Variants in KCNIP4 observed in about 807,000 individuals in gnomAD.
KCNIP4 encodes potassium voltage-gated channel interacting protein 4.
Under a neutral mutation model 34.0 loss-of-function variants are expected in KCNIP4, and 12 were observed. That is an observed-to-expected ratio of 0.35 (90% CI 0.23 to 0.57). The LOEUF is 0.57. Ranked by LOEUF, KCNIP4 falls within the 20% of genes least tolerant of loss-of-function variation. The pLI is 0.83. For missense variants in KCNIP4, 238 were observed against 311.7 expected, an observed-to-expected ratio of 0.76 and a Z score of 1.78; for synonymous variants, 124 against 102.2, an observed-to-expected ratio of 1.21 and a Z score of -1.29.
rs1043911663 is a variant in KCNIP4, at chr4:21,911,646, A to T, written c.61+36925T>A. ...CACACACACACACACACACACACAC[A>T]CACACACACAGAGTCTGGTATTGGT... is the stretch of plus-strand genomic sequence containing the variant. On this transcript the variant is annotated intron_variant, in intron 1 of 8. Transcript: ENST00000382152. 2.2e-3 allele frequency among the ~76,000 whole-genome samples: 295 copies of T among 131,384 alleles called. 2 individuals carry two copies. The highest frequency in any genetic ancestry group is 3.7e-3 in the Non-Finnish European group (215 of 58,858). The allele number at this position is 131,384 out of a possible 152,430, so 86.2% of individuals were successfully genotyped here.
chr4:21,520,097 G>A (rs771080388), intron 1 of KCNIP4, among the ~76,000 whole-genome samples: 16 of 151,772 alleles, frequency 1.1e-4, no homozygotes, highest in Non-Finnish European at 1.9e-4. Context: ...CACGTTTTTC[G>A]GCCTGCTTTA....
chr4:21,455,830 T>TTCC (rs1560422903), intron 1 of KCNIP4, among the ~76,000 whole-genome samples: 49 of 112,746 alleles, frequency 4.3e-4, no homozygotes, highest in African/African-American at 1.1e-3. Context: ...TATATATATA[T>TTCC]ATATATATAT....
intron 1 of KCNIP4, among the ~76,000 whole-genome samples, chr4:21,734,932 C>T (rs1046316384): frequency 4.0e-5 from 6 of 151,884 alleles, no homozygotes; most frequent in African/African-American, 1.5e-4. Context: ...AATAGAATGA[C>T]TTCGCTCCTA....
rs1728261087 is a variant in KCNIP4 at position 21,448,794 on chromosome 4, G to T, written c.61+499777C>A. ...TGTCTCAGCATAAGTCAGACATAGA[G>T]AGGCAGTTATCCAGGAAAGATCTGG... On this transcript the variant is annotated intron_variant, in intron 1 of 8. Transcript: ENST00000382152. 2.0e-5 allele frequency among the ~76,000 whole-genome samples: 3 copies of T among 152,140 alleles called. No individual in the cohort carries two copies. The South Asian group carries it at 6.2e-4, about 31-fold the overall frequency.
At chr4:21,721,792 C>T (rs1357295919) in intron 1 of KCNIP4, among the ~76,000 whole-genome samples, 2 of 152,148 alleles carry the variant, frequency 1.3e-5, no homozygotes, top group Non-Finnish European at 2.9e-5. Flanking sequence ...TCAGCACTTG[C>T]CATTCACATG....
At chr4:20,745,154 C>G (rs1752144806) in intron 5 of KCNIP4, among the ~76,000 whole-genome samples, 1 of 152,180 alleles carries the variant, frequency 6.6e-6, no homozygotes, top group African/African-American at 2.4e-5. Context: ...GGGTCCCACC[C>G]TTAGGTTGTA....
chr4:21,215,133 C>T lies in KCNIP4; in HGVS notation c.62-332424G>A, dbSNP rs148284282. ...TGGAGTGATAACAGGATATATTATC[C>T]TCACTCTGACATGTTTTTGGAGGTC... On this transcript the variant is annotated intron_variant, in intron 1 of 8. Coordinates refer to ENST00000382152, the MANE Select transcript of KCNIP4 (RefSeq NM_025221.6). 5.8e-4 allele frequency among the ~76,000 whole-genome samples: 88 copies of T among 152,276 alleles called. No homozygotes were observed. In the East Asian group the frequency reaches 0.015, roughly 26 times the overall value.
intron 1 of KCNIP4, among the ~76,000 whole-genome samples, chr4:21,792,942 T>C (rs1437203718): frequency 6.6e-6 from 1 of 152,162 alleles, no homozygotes; most frequent in African/African-American, 2.4e-5. Context: ...TCAGAGTATG[T>C]GAGAGAAATT....
rs148070373 is a variant in KCNIP4 at position 20,740,383 on chromosome 4, G to A, written c.430-5648C>T. ...CCATCAGACTAACAGCGGAACTCTC[G>A]GCAGAAACTTTACAAGCCAGAAGAG... is the stretch of plus-strand genomic sequence containing the variant. On this transcript the variant is annotated intron_variant, in intron 5 of 8. Coordinates refer to ENST00000382152, the MANE Select transcript of KCNIP4 (RefSeq NM_025221.6). Among the ~76,000 whole-genome samples the A allele has an allele frequency of 1.6e-3, 237 of 152,250 alleles. 5 individuals are homozygous for A. In the East Asian group the frequency reaches 0.027, roughly 17 times the overall value.
At chr4:21,841,272 G>T (rs1321463178) in intron 1 of KCNIP4, among the ~76,000 whole-genome samples, 2 of 151,986 alleles carry the variant, frequency 1.3e-5, no homozygotes, top group Admixed American at 6.6e-5. Flanking sequence ...ATTTGAAAAG[G>T]TCCATACAGA....
At chr4:20,813,816 T>A (rs1459400588) in intron 3 of KCNIP4, among the ~76,000 whole-genome samples, 1 of 152,246 alleles carries the variant, frequency 6.6e-6, no homozygotes, top group East Asian at 1.9e-4. Flanking sequence ...ATCCTGTGTA[T>A]CTTACCAAGA....
At chr4:21,481,042 A>T (rs1033503680) in intron 1 of KCNIP4, among the ~76,000 whole-genome samples, 1 of 152,212 alleles carries the variant, frequency 6.6e-6, no homozygotes, top group Non-Finnish European at 1.5e-5. Context: ...GCACTGATAT[A>T]GGTGTAGATA....
chr4:21,113,495 A>T (rs1379804399), intron 1 of KCNIP4, among the ~76,000 whole-genome samples: 2 of 148,186 alleles, frequency 1.3e-5, no homozygotes, highest in Non-Finnish European at 3.0e-5. Context: ...AGCTATACTC[A>T]GTGGGAAAAA....
In KCNIP4 at chr4:21,694,926, A is replaced by C. The variant is rs567139350; in HGVS notation, c.61+253645T>G. ...TAACACGATTGACCAAAAAAAAAAA[A>C]AAAATAAAAATAAATAAATAAATAA... is the stretch of plus-strand genomic sequence containing the variant. On this transcript the variant is annotated intron_variant, in intron 1 of 8. Transcript: ENST00000382152. Among the ~76,000 whole-genome samples the C allele has an allele frequency of 5.1e-5, 5 of 98,020 alleles. 1 individual carries two copies. The highest frequency in any genetic ancestry group is 4.7e-5 in the Non-Finnish European group (2 of 42,860). 64.3% of individuals were successfully genotyped at this position (98,020 alleles called of 152,430 possible).
At chr4:21,242,110 G>A (rs974080156) in intron 1 of KCNIP4, among the ~76,000 whole-genome samples, 1 of 143,896 alleles carries the variant, frequency 6.9e-6, no homozygotes, top group African/African-American at 2.7e-5. Flanking sequence ...CTTGCAGTGA[G>A]CCGAGATTGC....
chr4:21,041,147 T>C (rs1253527084), intron 1 of KCNIP4, among the ~76,000 whole-genome samples: 1 of 151,896 alleles, frequency 6.6e-6, no homozygotes, highest in Non-Finnish European at 1.5e-5. Flanking sequence ...ATGACACATA[T>C]AATAGTGAGG....
chr4:21,121,435 A>G (rs1750147459), intron 1 of KCNIP4, among the ~76,000 whole-genome samples: 1 of 152,208 alleles, frequency 6.6e-6, no homozygotes, highest in East Asian at 1.9e-4. Flanking sequence ...TTTGATGGTG[A>G]GTAATCACAT....
chr4:20,779,244 T>C (rs370633075), intron 3 of KCNIP4, among the ~76,000 whole-genome samples: 3 of 152,148 alleles, frequency 2.0e-5, no homozygotes, highest in African/African-American at 7.2e-5. Context: ...ATGAGACAGT[T>C]CTGTAGGTAC....
chr4:20,908,992 A>G (rs1335870684), intron 1 of KCNIP4, among the ~76,000 whole-genome samples: 3 of 152,246 alleles, frequency 2.0e-5, no homozygotes, highest in Non-Finnish European at 4.4e-5. Flanking sequence ...AAATGGAAAC[A>G]ACCTCATGTC....
Sources: allele counts gnomAD v4.1 joint callset (sites outside exome capture counted in the v4.1 genomes callset), GRCh38; gene constraint gnomAD v4.1.1; transcripts MANE v1.5; gene names NCBI Gene and HGNC (gene_info 2026-07-23, HGNC 2026-07-21).